Variants in SEMA3D observed in about 807,000 individuals in gnomAD.
SEMA3D encodes the protein semaphorin-3D.
In SEMA3D, 84 loss-of-function variants were observed where a neutral mutation model predicts 100.1. The observed-to-expected ratio is 0.84, with a 90% confidence interval of 0.70 to 1.01. The LOEUF (loss-of-function observed/expected upper bound fraction) is 1.01. Among genes scored for constraint, SEMA3D ranks in the 50% least tolerant of loss-of-function variants. SEMA3D has a pLI of 0.00. For missense variants in SEMA3D, 875 were observed against 934.1 expected (o/e 0.94, Z 0.82); for synonymous variants, 312 against 320.7 (o/e 0.97, Z 0.29).
chr7:85,019,563 A>T (rs1300009929), intron 14 of SEMA3D, among the ~76,000 whole-genome samples: 1 of 151,794 alleles, frequency 6.6e-6, no homozygotes, highest in African/African-American at 2.4e-5. Flanking sequence ...TAAAAATGTT[A>T]TAATAAACAA....
In SEMA3D at chr7:84,996,040, G is replaced by A. The variant is rs998008159; in HGVS notation, c.*3400C>T. 13 of 148,660 alleles carry A rather than the reference G, an allele frequency of 8.7e-5. No homozygotes were observed. The highest frequency in any genetic ancestry group is 3.2e-4 in the African/African-American group (13 of 40,368). The allele number at this position is 148,660 out of a possible 1,614,324, so 9.2% of individuals were successfully genotyped here. ...CAATAAGGTTAACCAATTCCAAAAT[G>A]TTTTCTAAGAAAAATGTGACATTCT... is the stretch of plus-strand genomic sequence containing the variant. On this transcript the variant is annotated 3_prime_UTR_variant, in exon 19 of 19. Transcript: ENST00000284136.
At chr7:85,105,361 G>A (rs552020976) in intron 3 of SEMA3D, among the ~76,000 whole-genome samples, 6 of 151,872 alleles carry the variant, frequency 4.0e-5, no homozygotes, top group African/African-American at 1.5e-4. Flanking sequence ...TTTAACATTG[G>A]GAAAATTAGC....
rs943579835 is a variant in SEMA3D, at chr7:85,133,719, G to T, written c.-40-11788C>A. Among the ~76,000 whole-genome samples, 5 of 151,914 alleles carry T rather than the reference G, an allele frequency of 3.3e-5. No homozygotes were observed. The Admixed American group carries it at 3.3e-4, about 10-fold the overall frequency. On this transcript the variant is annotated intron_variant, in intron 2 of 18. Transcript: ENST00000284136. ...TACTTATCAACTTTATCCTCTGAAA[G>T]AATTCACTTAATTTCTTTAAGTCCA... is the stretch of plus-strand genomic sequence containing the variant.
At chr7:85,173,384 G>C (rs1264726550) in intron 1 of SEMA3D, among the ~76,000 whole-genome samples, 4 of 152,038 alleles carry the variant, frequency 2.6e-5, no homozygotes, top group Admixed American at 6.6e-5. Flanking sequence ...GGTTTACTCT[G>C]TCCTGGCTTC....
intron 12 of SEMA3D, among the ~76,000 whole-genome samples, chr7:85,034,641 A>T (rs755654843): frequency 4.6e-5 from 7 of 151,944 alleles, no homozygotes; most frequent in Non-Finnish European, 1.0e-4. Context: ...AAACAAAATT[A>T]AAAAATGGGC....
chr7:85,146,022 T>G (rs2116474677), intron 2 of SEMA3D, among the ~76,000 whole-genome samples: 2 of 152,266 alleles, frequency 1.3e-5, no homozygotes, highest in South Asian at 4.1e-4. Context: ...CAGATATTTT[T>G]TTTCCCAGAT....
At chr7:85,249,997 G>A in the SEMA3D span, among the ~76,000 whole-genome samples, 1 of 152,098 alleles carries the variant, frequency 6.6e-6, no homozygotes, top group African/African-American at 2.4e-5. Context: ...GTGGGCCCAG[G>A]TCAGCGGGTG....
At chr7:85,128,461 A>C (rs1789628852) in intron 2 of SEMA3D, among the ~76,000 whole-genome samples, 1 of 152,030 alleles carries the variant, frequency 6.6e-6, no homozygotes, top group Non-Finnish European at 1.5e-5. Flanking sequence ...CAGCCACTGC[A>C]CTGGGCCAAC....
At chr7:85,068,076 G>A (rs759667753) in intron 7 of SEMA3D, 115 bp downstream of exon 7, 17 of 647,428 alleles carry the variant, frequency 2.6e-5, no homozygotes, top group East Asian at 2.7e-5. Flanking sequence ...GAAACAAATC[G>A]CTTGTGGAAG....
chr7:84,999,330 C>G lies in SEMA3D; in HGVS notation c.*110G>C, dbSNP rs1789586322. 4.7e-6 allele frequency: 4 copies of G among 844,296 alleles called. No individual in the cohort carries two copies. The highest frequency in any genetic ancestry group is 7.3e-6 in the Non-Finnish European group (4 of 547,596). 52.3% of individuals were successfully genotyped at this position (844,296 alleles called of 1,614,324 possible). A position where few individuals can be genotyped will look rare whatever the true frequency, so the allele number is the denominator to read the frequency against. On this transcript the variant is annotated 3_prime_UTR_variant, in exon 19 of 19. Coordinates refer to ENST00000284136, the MANE Select transcript of SEMA3D (RefSeq NM_001384900.1). ...GTCTTATTCAGATTATTGTCTTGTG[C>G]CTTAGCAAAACTCCATGGGAAGCAT...
chr7:85,136,460 C>T (rs766199462), intron 2 of SEMA3D, among the ~76,000 whole-genome samples: 5 of 151,974 alleles, frequency 3.3e-5, no homozygotes, highest in Non-Finnish European at 7.4e-5. Context: ...TTATTTAAAG[C>T]AAGCTTATAT....
At chr7:85,228,391 A>G in the SEMA3D span, among the ~76,000 whole-genome samples, 8 of 152,254 alleles carry the variant, frequency 5.3e-5, no homozygotes, top group East Asian at 9.6e-4. Context: ...ATATTTTATC[A>G]TTCACTAAGC....
intron 2 of SEMA3D, among the ~76,000 whole-genome samples, chr7:85,153,320 G>T (rs1790484331): frequency 6.6e-6 from 1 of 152,108 alleles, no homozygotes; most frequent in South Asian, 2.1e-4. Context: ...TGTTTCAAGA[G>T]TCATTAAGAT....
chr7:85,161,021 C>T (rs1010639727), intron 1 of SEMA3D, among the ~76,000 whole-genome samples: 2 of 151,974 alleles, frequency 1.3e-5, no homozygotes, highest in African/African-American at 4.8e-5. Context: ...TAACATCAGT[C>T]GGACAATGTA....
At chr7:85,019,345 T>C (rs887824933) in intron 14 of SEMA3D, among the ~76,000 whole-genome samples, 2 of 151,654 alleles carry the variant, frequency 1.3e-5, no homozygotes, top group African/African-American at 4.8e-5. Flanking sequence ...GGCCTTCCCC[T>C]AGGAACCACC....
At chr7:85,043,408 T>C (rs1790917272) in intron 9 of SEMA3D, among the ~76,000 whole-genome samples, 1 of 152,120 alleles carries the variant, frequency 6.6e-6, no homozygotes, top group African/African-American at 2.4e-5. Context: ...AATATTTATC[T>C]ATATTTTCCA....
At chr7:85,151,550 T>G in intron 2 of SEMA3D, 1 of 773,796 alleles carries the variant, frequency 1.3e-6, no homozygotes, top group Non-Finnish European at 1.6e-6. Context: ...ATTTCTATGC[T>G]GGTTAAAATA....
At chr7:85,078,526 C>T (rs1290058256) in intron 5 of SEMA3D, among the ~76,000 whole-genome samples, 1 of 152,122 alleles carries the variant, frequency 6.6e-6, no homozygotes, top group Non-Finnish European at 1.5e-5. Context: ...CTGTTTAACC[C>T]ACAATTATAT....
the SEMA3D span, among the ~76,000 whole-genome samples, chr7:85,203,269 T>G: frequency 2.4e-4 from 37 of 152,326 alleles, no homozygotes; most frequent in Non-Finnish European, 4.0e-4. Flanking sequence ...ATTGTAAAAA[T>G]GTAAATATAT....
Sources: gnomAD v4.1 joint callset for allele counts (sites outside exome capture counted in the v4.1 genomes callset) on GRCh38, gnomAD v4.1.1 for gene constraint, MANE v1.5 for transcripts, NCBI Gene and HGNC (gene_info 2026-07-23, HGNC 2026-07-21) for gene names.